Variants in ARL15 observed in about 807,000 individuals in gnomAD.
ARL15 encodes the protein ARF like GTPase 15, also known as ADP-ribosylation factor-like protein 15.
In ARL15, 19 loss-of-function variants were observed where a neutral mutation model predicts 25.2. The observed-to-expected ratio is 0.75, with a 90% confidence interval of 0.53 to 1.10. The LOEUF (loss-of-function observed/expected upper bound fraction) is 1.10. Among genes scored for constraint, ARL15 ranks in the 50% least tolerant of loss-of-function variants. ARL15 has a pLI of 0.00. For synonymous variants in ARL15, 94 were observed against 86.8 expected, an observed-to-expected ratio of 1.08 and a Z score of -0.46; for missense variants, 220 against 246.0, an observed-to-expected ratio of 0.89 and a Z score of 0.71.
intron 4 of ARL15, among the ~76,000 whole-genome samples, chr5:53,902,199 C>G (rs140640539): frequency 1.4e-4 from 22 of 152,254 alleles, no homozygotes; most frequent in African/African-American, 4.8e-4. Context: ...TTCTGTTATA[C>G]GAGGCTGTGT....
At chr5:53,927,631 T>C (rs994231594) in intron 4 of ARL15, among the ~76,000 whole-genome samples, 8 of 152,138 alleles carry the variant, frequency 5.3e-5, no homozygotes, top group African/African-American at 1.9e-4. Flanking sequence ...TATGTATGTG[T>C]CTAGGACCAT....
At chr5:54,070,089 C>A (rs1158343130) in intron 4 of ARL15, among the ~76,000 whole-genome samples, 1 of 150,828 alleles carries the variant, frequency 6.6e-6, no homozygotes, top group Non-Finnish European at 1.5e-5. Flanking sequence ...GGGAAGGGGT[C>A]TGTTATAAAA....
chr5:54,184,239 T>A (rs1579885627), intron 1 of ARL15, among the ~76,000 whole-genome samples: 3 of 76,276 alleles, frequency 3.9e-5, no homozygotes, highest in African/African-American at 5.3e-5. Flanking sequence ...CCCTAAAACT[T>A]AAAGTATAAT....
intron 2 of ARL15, among the ~76,000 whole-genome samples, chr5:54,165,183 C>A (rs957641006): frequency 1.3e-5 from 2 of 151,942 alleles, no homozygotes; most frequent in Non-Finnish European, 2.9e-5. Flanking sequence ...AGGCATTTTA[C>A]TTTTACATAT....
At chr5:54,129,354 T>C (rs1311421833) in intron 3 of ARL15, among the ~76,000 whole-genome samples, 1 of 152,104 alleles carries the variant, frequency 6.6e-6, no homozygotes, top group Non-Finnish European at 1.5e-5. Flanking sequence ...AAAAAAGTGA[T>C]CACAATTTCT....
intron 4 of ARL15, among the ~76,000 whole-genome samples, chr5:53,946,546 GAA>G (rs1214200522): frequency 7.3e-6 from 1 of 136,920 alleles, no homozygotes; most frequent in Non-Finnish European, 1.6e-5. Context: ...GCTGTTAAAA[GAA>G]AAAAAAGTCA....
At chr5:53,981,900 C>A (rs980100135) in intron 4 of ARL15, among the ~76,000 whole-genome samples, 27 of 144,668 alleles carry the variant, frequency 1.9e-4, no homozygotes, top group Admixed American at 2.8e-4. Flanking sequence ...AACTCTGTCT[C>A]AAAAAAAAAG....
intron 3 of ARL15, among the ~76,000 whole-genome samples, chr5:54,128,293 C>G (rs779692792): frequency 1.3e-5 from 2 of 152,204 alleles, no homozygotes; most frequent in African/African-American, 2.4e-5. Flanking sequence ...AAGCTAGACA[C>G]ACAACAAAGC....
At chr5:53,910,674 A>ATATATATATATAT (rs1374904754) in intron 4 of ARL15, among the ~76,000 whole-genome samples, 2 of 87,760 alleles carry the variant, frequency 2.3e-5, no homozygotes, top group African/African-American at 5.9e-5. Context: ...TATATATATA[A>ATATATATATATAT]AGAAAACGTC....
At chr5:54,117,737 G>C (rs1340521461) in intron 3 of ARL15, among the ~76,000 whole-genome samples, 3 of 152,084 alleles carry the variant, frequency 2.0e-5, no homozygotes, top group Non-Finnish European at 4.4e-5. Context: ...AATTTCAACT[G>C]ACAAACTATG....
intron 1 of ARL15, among the ~76,000 whole-genome samples, chr5:54,215,733 G>A (rs572533939): frequency 1.8e-4 from 27 of 148,286 alleles, no homozygotes; most frequent in African/African-American, 5.0e-4. Context: ...CATGGTACCC[G>A]TCAGGGTGCC....
At chr5:53,948,402 T>G (rs961112962) in intron 4 of ARL15, among the ~76,000 whole-genome samples, 2 of 152,242 alleles carry the variant, frequency 1.3e-5, no homozygotes, top group Admixed American at 6.5e-5. Context: ...CTGATAGGTC[T>G]TGTAAAATTT....
At chr5:54,031,380 A>G (rs1362231590) in intron 4 of ARL15, among the ~76,000 whole-genome samples, 1 of 152,180 alleles carries the variant, frequency 6.6e-6, no homozygotes, top group Non-Finnish European at 1.5e-5. Flanking sequence ...ACGACATTCT[A>G]TTTCATGATG....
At chr5:54,274,282 T>C (rs1757867012) in intron 1 of ARL15, among the ~76,000 whole-genome samples, 1 of 152,196 alleles carries the variant, frequency 6.6e-6, no homozygotes, top group African/African-American at 2.4e-5. Flanking sequence ...CAAAGGCATG[T>C]GGCAGAGAAG....
At chr5:54,237,563 C>A (rs1011643572) in intron 1 of ARL15, among the ~76,000 whole-genome samples, 4 of 148,902 alleles carry the variant, frequency 2.7e-5, no homozygotes, top group Non-Finnish European at 4.4e-5. Context: ...AAAGCAGTAG[C>A]ATTTTATGTA....
chr5:54,274,510 C>A (rs1579972975), intron 1 of ARL15, among the ~76,000 whole-genome samples: 1 of 152,194 alleles, frequency 6.6e-6, no homozygotes, highest in East Asian at 1.9e-4. Context: ...GTTCATTAAA[C>A]CTAAAATTGT....
intron 1 of ARL15, among the ~76,000 whole-genome samples, chr5:54,280,945 G>A (rs1178087506): frequency 6.6e-6 from 1 of 150,712 alleles, no homozygotes; most frequent in African/African-American, 2.4e-5. Context: ...TGAGCTCAAG[G>A]CATTTGGGTC....
chr5:54,234,122 A>G (rs1756740439), intron 1 of ARL15, among the ~76,000 whole-genome samples: 1 of 152,002 alleles, frequency 6.6e-6, no homozygotes, highest in South Asian at 2.1e-4. Flanking sequence ...CAGCTTCCCA[A>G]GTAGCTGGGA....
chr5:54,270,345 G>T (rs756226009), intron 1 of ARL15, among the ~76,000 whole-genome samples: 1 of 152,196 alleles, frequency 6.6e-6, no homozygotes, highest in Non-Finnish European at 1.5e-5. Context: ...GGATGAGAGA[G>T]TAGCGCCTTT....
Sources: allele counts gnomAD v4.1 joint callset (sites outside exome capture counted in the v4.1 genomes callset), GRCh38; gene constraint gnomAD v4.1.1; transcripts MANE v1.5; gene names NCBI Gene and HGNC (gene_info 2026-07-23, HGNC 2026-07-21).